UBE2Q2: variants seen among roughly 807,000 people sequenced by gnomAD.
UBE2Q2 encodes the protein ubiquitin conjugating enzyme E2 Q2.
A neutral mutation model predicts 59.9 loss-of-function variants in UBE2Q2; 54 were observed. That is an observed-to-expected ratio of 0.90 (90% CI 0.72 to 1.13). The LOEUF is 1.13. Ranked by LOEUF, UBE2Q2 falls within the 50% of genes most tolerant of loss-of-function variation. The pLI, the probability that UBE2Q2 is intolerant of heterozygous loss-of-function variation, is 0.00. For synonymous variants in UBE2Q2, 165 were observed against 155.2 expected (o/e 1.06, Z -0.47); for missense variants, 433 against 441.9 (o/e 0.98, Z 0.18).
In UBE2Q2 at chr15:75,877,170, A is replaced by AT. The variant is rs951500768; in HGVS notation, c.674-791_674-790insT. On this transcript the variant is annotated intron_variant, in intron 6 of 12. Coordinates refer to ENST00000267938, the MANE Select transcript of UBE2Q2 (RefSeq NM_173469.4). The stretch of plus-strand genomic sequence containing the variant: ...GAGTGAGACTCTGTCAAAAAAAAAA[A>AT]AAAAAAAAAAAAAGGGTTATGACCG... 2.0e-3 allele frequency among the ~76,000 whole-genome samples: 297 copies of AT among 150,624 alleles called. 3 individuals carry two copies. The highest frequency in any genetic ancestry group is 7.1e-3 in the African/African-American group (290 of 40,916).
intron 3 of UBE2Q2, among the ~76,000 whole-genome samples, 199 bp from the exon 4 acceptor site, chr15:75,868,752 A>G (rs1159950446): frequency 2.0e-5 from 3 of 152,206 alleles, no homozygotes; most frequent in Non-Finnish European, 4.4e-5. Context: ...ATTGTTCAAA[A>G]TTGTTTCATT....
At chr15:75,865,440 G>C (rs1319497636) in intron 3 of UBE2Q2, among the ~76,000 whole-genome samples, 2 of 152,176 alleles carry the variant, frequency 1.3e-5, no homozygotes, top group East Asian at 3.8e-4. Context: ...AGACATGTGG[G>C]TTGTTTCCAG....
chr15:75,856,112 G>C (rs1473836510), intron 2 of UBE2Q2, among the ~76,000 whole-genome samples: 1 of 151,854 alleles, frequency 6.6e-6, no homozygotes, highest in East Asian at 1.9e-4. Context: ...GCTTGAGCTT[G>C]GGAGGTGGAG....
chr15:75,897,174 A>G (rs995290505), intron 12 of UBE2Q2, 113 bp downstream of exon 12: 12 of 412,044 alleles, frequency 2.9e-5, no homozygotes, highest in African/African-American at 2.5e-4. Context: ...TGCTGTTACC[A>G]TGGTGAAAGA....
At chr15:75,876,660 A>G (rs1898099701) in intron 6 of UBE2Q2, among the ~76,000 whole-genome samples, 1 of 152,158 alleles carries the variant, frequency 6.6e-6, no homozygotes, top group Admixed American at 6.5e-5. Context: ...TTTTGAAAGC[A>G]AGATAATCAG....
chr15:75,863,904 T>C lies in UBE2Q2; in HGVS notation c.387+3922T>C, dbSNP rs563714809. Among the ~76,000 whole-genome samples the C allele has an allele frequency of 5.3e-5, 8 of 152,116 alleles. No homozygotes were observed. In the East Asian group the frequency reaches 1.5e-3, roughly 29 times the overall value. On this transcript the variant is annotated intron_variant, in intron 3 of 12. Coordinates refer to ENST00000267938, the MANE Select transcript of UBE2Q2 (RefSeq NM_173469.4). ...ATCTGCCCACCTCGGCCTCCCAGAG[T>C]GCTGGGATTACAGGGGTGAGCCACT...
intron 12 of UBE2Q2, among the ~76,000 whole-genome samples, chr15:75,898,076 A>G (rs538829341): frequency 5.3e-4 from 81 of 152,292 alleles, no homozygotes; most frequent in African/African-American, 1.8e-3. Flanking sequence ...CCTGTGTACT[A>G]CTTTGATACT....
intron 1 of UBE2Q2, chr15:75,844,563 G>C: frequency 1.4e-6 from 2 of 1,456,930 alleles, no homozygotes; most frequent in Non-Finnish European, 1.9e-6. Flanking sequence ...GGAGATACGC[G>C]CCAGGGCTGC....
intron 2 of UBE2Q2, among the ~76,000 whole-genome samples, chr15:75,857,265 C>G (rs1896966417): frequency 6.6e-6 from 1 of 152,122 alleles, no homozygotes; most frequent in Non-Finnish European, 1.5e-5. Flanking sequence ...CTGCTACCTC[C>G]TTTTAGGAAG....
intron 9 of UBE2Q2, among the ~76,000 whole-genome samples, chr15:75,884,796 A>G (rs890141404): frequency 6.6e-6 from 1 of 151,912 alleles, no homozygotes; most frequent in Non-Finnish European, 1.5e-5. Flanking sequence ...AGTAGCTGGG[A>G]TGCCACCATG....
intron 4 of UBE2Q2, among the ~76,000 whole-genome samples, chr15:75,870,235 T>A (rs1897713374): frequency 6.6e-6 from 1 of 152,080 alleles, no homozygotes; most frequent in Non-Finnish European, 1.5e-5. Context: ...CCAAGCTTTT[T>A]AAAAAAATTT....
intron 1 of UBE2Q2, chr15:75,844,652 A>G: frequency 1.5e-6 from 1 of 681,974 alleles, no homozygotes; most frequent in Admixed American, 3.0e-5. Flanking sequence ...ATCTCATTAG[A>G]AACCCAAGGC....
chr15:75,865,658 A>G (rs1897424043), intron 3 of UBE2Q2, among the ~76,000 whole-genome samples: 2 of 152,188 alleles, frequency 1.3e-5, no homozygotes, highest in Non-Finnish European at 2.9e-5. Flanking sequence ...GTCAGAGAAT[A>G]TGGCCTGTGA....
intron 9 of UBE2Q2, among the ~76,000 whole-genome samples, chr15:75,885,120 GTTTT>G (rs376756345): frequency 1.3e-5 from 2 of 151,106 alleles, no homozygotes; most frequent in Non-Finnish European, 3.0e-5. Flanking sequence ...TAGTAGTGGG[GTTTT>G]TTTTTATTTG....
At chr15:75,851,907 C>G (rs1896653073) in intron 1 of UBE2Q2, among the ~76,000 whole-genome samples, 1 of 152,124 alleles carries the variant, frequency 6.6e-6, no homozygotes, top group Non-Finnish European at 1.5e-5. Context: ...GGGCCTTGTT[C>G]TGTCACCCAG....
At chr15:75,847,244 T>G (rs1896399856) in intron 1 of UBE2Q2, among the ~76,000 whole-genome samples, 1 of 152,214 alleles carries the variant, frequency 6.6e-6, no homozygotes, top group African/African-American at 2.4e-5. Context: ...ACAAAAATCT[T>G]AACTGCCTTG....
chr15:75,855,213 A>G (rs1258403313), intron 2 of UBE2Q2, among the ~76,000 whole-genome samples: 1 of 152,162 alleles, frequency 6.6e-6, no homozygotes, highest in Non-Finnish European at 1.5e-5. Context: ...TTTACTGGCC[A>G]GGTGTGGTGG....
chr15:75,866,071 T>C (rs1473176800), intron 3 of UBE2Q2, among the ~76,000 whole-genome samples: 1 of 152,254 alleles, frequency 6.6e-6, no homozygotes, highest in Non-Finnish European at 1.5e-5. Context: ...AAAAGTCTGA[T>C]GCCTATCTCA....
At chr15:75,884,350 C>G (rs1229920384) in intron 9 of UBE2Q2, among the ~76,000 whole-genome samples, 1 of 152,206 alleles carries the variant, frequency 6.6e-6, no homozygotes. Flanking sequence ...ATATGAGTGA[C>G]TGCTTCAGAC....
Sources: gnomAD v4.1 joint callset for allele counts (sites outside exome capture counted in the v4.1 genomes callset) on GRCh38, gnomAD v4.1.1 for gene constraint, MANE v1.5 for transcripts, NCBI Gene and HGNC (gene_info 2026-07-23, HGNC 2026-07-21) for gene names.